The following CCNC variants were observed in gnomAD, a reference collection of about 807,000 sequenced individuals.
CCNC encodes cyclin-C.
A neutral mutation model predicts 50.0 loss-of-function variants in CCNC; 19 were observed. The ratio of observed to expected loss-of-function variants is 0.38; its 90% confidence interval spans 0.27 to 0.56. The LOEUF (loss-of-function observed/expected upper bound fraction) is 0.56, where lower values mean the gene tolerates loss of function less well. Ranked by LOEUF, CCNC falls within the 20% of genes least tolerant of loss-of-function variation. The pLI, the probability that CCNC is intolerant of heterozygous loss-of-function variation, is 0.72. For missense variants in CCNC, 200 were observed against 327.1 expected (o/e 0.61, Z 3.00); for synonymous variants, 93 against 103.7 (o/e 0.90, Z 0.63).
chr6:99,544,374 G>A, intron 11 of CCNC: 1 of 972,614 alleles, frequency 1.0e-6, no homozygotes, highest in Admixed American at 2.5e-5. Flanking sequence ...TAACTTATGA[G>A]TAGCAATCCA....
At chr6:99,558,464 C>A in intron 5 of CCNC, 33 bp downstream of exon 5, 1 of 1,605,554 alleles carries the variant, frequency 6.2e-7, no homozygotes, top group Non-Finnish European at 8.5e-7. Flanking sequence ...TTTAGAATTA[C>A]ATCCTTAAAG....
In CCNC at chr6:99,543,533, CTA is replaced by C. The variant is rs1446627377; in HGVS notation, c.*20_*21del. The C allele has an allele frequency of 6.2e-7, 1 of 1,611,958 alleles. No homozygotes were observed. The highest frequency in any genetic ancestry group is 1.1e-5 in the South Asian group (1 of 90,980). On this transcript the variant is annotated 3_prime_UTR_variant, in exon 12 of 12. Transcript: ENST00000520429. ...CAATGGTTTATTTCCAAGTGGTCCA[CTA>C]TGGAATTCTTCGGAATGTTTTAAGA...
At chr6:99,545,563 ATTATT>A (rs1583567162) in intron 10 of CCNC, among the ~76,000 whole-genome samples, 1 of 152,332 alleles carries the variant, frequency 6.6e-6, no homozygotes, top group African/African-American at 2.4e-5. Flanking sequence ...TCTAGTATAA[ATTATT>A]TTAAACAACT....
At chr6:99,561,124 G>A (rs1271951337) in intron 4 of CCNC, among the ~76,000 whole-genome samples, 1 of 152,122 alleles carries the variant, frequency 6.6e-6, no homozygotes, top group East Asian at 1.9e-4. Context: ...TATAAAATGG[G>A]AATACTACTA....
intron 3 of CCNC, 62 bp downstream of exon 3, chr6:99,561,535 C>T (rs1802779425): frequency 7.3e-7 from 1 of 1,376,698 alleles, no homozygotes; most frequent in Non-Finnish European, 1.0e-6. Context: ...TTCATTTACA[C>T]TGTGCTAAGG....
At chr6:99,567,311 C>T (rs897443695) in intron 1 of CCNC, among the ~76,000 whole-genome samples, 6 of 151,896 alleles carry the variant, frequency 4.0e-5, no homozygotes, top group African/African-American at 7.2e-5. Context: ...GGAGCTCTAA[C>T]TCCAATACCT....
intron 4 of CCNC, among the ~76,000 whole-genome samples, 194 bp from the exon 5 acceptor site, chr6:99,558,742 G>A (rs1295793333): frequency 6.6e-6 from 1 of 152,072 alleles, no homozygotes; most frequent in African/African-American, 2.4e-5. Context: ...AGATTTTTCT[G>A]ATTTAGGAAT....
At chr6:99,568,392 G>T in intron 1 of CCNC, 104 bp downstream of exon 1, 3 of 1,143,274 alleles carry the variant, frequency 2.6e-6, no homozygotes, top group Middle Eastern at 1.9e-4. Context: ...GAGGACCCCG[G>T]CACTCGGAAC....
At position 99,543,443 on chromosome 6, in the gene CCNC, T is replaced by C; in HGVS notation, c.*112A>G. 1 of 1,158,928 alleles carries C rather than the reference T, an allele frequency of 8.6e-7. No homozygotes were observed. Among genetic ancestry groups the C allele is most frequent in the Middle Eastern group, 2.0e-4 (1 of 5,074 alleles). The allele number at this position is 1,158,928 out of a possible 1,614,324, so 71.8% of individuals were successfully genotyped here. A position where few individuals can be genotyped will look rare whatever the true frequency, so the allele number is the denominator to read the frequency against. ...GCAAAAATAAAATCACTTTCCAATA[T>C]GCTTGACAGAAACAAGCTATTCATT... On this transcript the variant is annotated 3_prime_UTR_variant, in exon 12 of 12. Coordinates refer to ENST00000520429, the MANE Select transcript of CCNC (RefSeq NM_005190.4).
At position 99,544,116 on chromosome 6, in the gene CCNC, G is replaced by T. The variant is rs543022452; in HGVS notation, c.798-507C>A. Reference sequence around the variant, plus strand: ...CAGCAAGAAATATGGTAATTTCCTGGAAAATGCTGAATACTTAAAATAAAA... The same window carrying T: ...CAGCAAGAAATATGGTAATTTCCTGTAAAATGCTGAATACTTAAAATAAAA... On this transcript the variant is annotated intron_variant, in intron 11 of 11. Coordinates refer to ENST00000520429, the MANE Select transcript of CCNC (RefSeq NM_005190.4). The T allele has an allele frequency of 7.5e-5, 108 of 1,431,166 alleles. 1 individual carries two copies. The South Asian group carries it at 1.3e-3, about 17-fold the overall frequency. 88.7% of individuals were successfully genotyped at this position (1,431,166 alleles called of 1,614,324 possible).
chr6:99,553,046 A>G (rs963089623), intron 5 of CCNC, among the ~76,000 whole-genome samples: 59 of 152,144 alleles, frequency 3.9e-4, no homozygotes, highest in African/African-American at 1.4e-3. Flanking sequence ...TCTCAAAAAA[A>G]AAAAAAGAAA....
At chr6:99,563,977 A>T (rs1006225950) in intron 1 of CCNC, among the ~76,000 whole-genome samples, 7 of 152,152 alleles carry the variant, frequency 4.6e-5, no homozygotes, top group Admixed American at 2.0e-4. Context: ...TTCTCCTTGC[A>T]TATTTGATTA....
chr6:99,543,865 A>T (rs1232621531), intron 11 of CCNC: 26 of 1,313,618 alleles, frequency 2.0e-5, no homozygotes, highest in Non-Finnish European at 2.5e-5. Context: ...TATACTCAAA[A>T]ACTTTAAATT....
At chr6:99,550,455 T>C (rs1802244492) in intron 7 of CCNC, 146 bp from the exon 8 acceptor site, 1 of 616,398 alleles carries the variant, frequency 1.6e-6, no homozygotes, top group African/African-American at 1.9e-5. Flanking sequence ...TCTCTTAAGC[T>C]AGCAGTATGA....
At chr6:99,554,540 TTTGAG>T (rs1186920408) in intron 5 of CCNC, among the ~76,000 whole-genome samples, 6 of 152,226 alleles carry the variant, frequency 3.9e-5, no homozygotes, top group Admixed American at 6.5e-5. Context: ...TAGTTTATAC[TTTGAG>T]TTATTATCCA....
intron 1 of CCNC, among the ~76,000 whole-genome samples, chr6:99,564,151 G>C (rs550291296): frequency 1.3e-5 from 2 of 152,060 alleles, no homozygotes. Flanking sequence ...CTGGCCGGGC[G>C]CGGTGGCTCA....
At chr6:99,550,399 G>T in intron 7 of CCNC, 90 bp from the exon 8 acceptor site, 1 of 841,980 alleles carries the variant, frequency 1.2e-6, no homozygotes. Context: ...TTGTAATTGT[G>T]TATTTCAAAG....
rs769910026 is a variant in CCNC at position 99,561,323 on chromosome 6, T to C, written c.294+44A>G. On this transcript the variant is annotated intron_variant, in intron 4 of 11. Transcript: ENST00000520429. ...GAAAACTGGGGCAGATTAACCAACA[T>C]ACATTGACTACACTTTGATGAAGAA... The C allele has an allele frequency of 1.1e-5, 14 of 1,285,670 alleles. No homozygotes were observed. In the East Asian group the frequency reaches 3.0e-4, roughly 28 times the overall value. 79.6% of individuals were successfully genotyped at this position (1,285,670 alleles called of 1,614,324 possible). A position where few individuals can be genotyped will look rare whatever the true frequency, so the allele number is the denominator to read the frequency against.
At chr6:99,564,244 G>A (rs570535679) in intron 1 of CCNC, among the ~76,000 whole-genome samples, 11 of 152,112 alleles carry the variant, frequency 7.2e-5, no homozygotes, top group African/African-American at 2.4e-4. Flanking sequence ...GACCAATATG[G>A]TGAAACTCCA....
Sources: gnomAD v4.1 joint callset for allele counts (sites outside exome capture counted in the v4.1 genomes callset) on GRCh38, gnomAD v4.1.1 for gene constraint, MANE v1.5 for transcripts, NCBI Gene and HGNC (gene_info 2026-07-23, HGNC 2026-07-21) for gene names.